Variants in ACSF3 observed in about 807,000 individuals in gnomAD.
ACSF3 encodes the protein acyl-CoA synthetase family member 3.
ACSF3 carries 78 observed loss-of-function variants against 53.2 expected under a neutral mutation model. That is an observed-to-expected ratio of 1.47 (90% CI 1.22 to 1.77). The LOEUF is 1.77. ACSF3 is among the 40% of genes most tolerant of loss of function. The probability of loss-of-function intolerance (pLI) is 0.00; values close to 1 mark genes in which losing one functional copy is unlikely to be tolerated. For synonymous variants in ACSF3, 414 were observed against 333.1 expected (o/e 1.24, Z -2.65); for missense variants, 937 against 771.1 (o/e 1.22, Z -2.55).
intron 7 of ACSF3, among the ~76,000 whole-genome samples, chr16:89,123,848 C>G (rs897685988): frequency 6.6e-6 from 1 of 152,196 alleles, no homozygotes; most frequent in Non-Finnish European, 1.5e-5. Context: ...TCCTCCATCA[C>G]CTCGCTGAGG....
intron 8 of ACSF3, among the ~76,000 whole-genome samples, chr16:89,144,074 G>A (rs559529364): frequency 2.6e-5 from 4 of 152,288 alleles, no homozygotes; most frequent in South Asian, 2.1e-4. Context: ...TCACAGTCAC[G>A]CATACCGCGC....
intron 4 of ACSF3, among the ~76,000 whole-genome samples, chr16:89,107,985 A>G (rs1001134441): frequency 1.3e-5 from 2 of 152,232 alleles, no homozygotes; most frequent in Admixed American, 6.5e-5. Context: ...AGGCCTCAGA[A>G]TCATGGTGGG....
intron 4 of ACSF3, among the ~76,000 whole-genome samples, chr16:89,108,042 A>G (rs1452440828): frequency 6.6e-6 from 1 of 152,230 alleles, no homozygotes; most frequent in African/African-American, 2.4e-5. Context: ...AAAATGAGGA[A>G]GAAGCAAAAG....
intron 6 of ACSF3, among the ~76,000 whole-genome samples, chr16:89,119,084 C>T (rs1172037629): frequency 6.6e-6 from 1 of 151,548 alleles, no homozygotes; most frequent in African/African-American, 2.4e-5. Flanking sequence ...AGTGTGGGGG[C>T]CCCTCCCTGA....
At chr16:89,104,949 A>C (rs1257730626) in intron 4 of ACSF3, among the ~76,000 whole-genome samples, 1 of 152,188 alleles carries the variant, frequency 6.6e-6, no homozygotes, top group Non-Finnish European at 1.5e-5. Flanking sequence ...TACCGTGCCA[A>C]AGAGAGGTGG....
chr16:89,099,353 C>T (rs945374497), intron 2 of ACSF3, among the ~76,000 whole-genome samples: 4 of 152,244 alleles, frequency 2.6e-5, no homozygotes, highest in Non-Finnish European at 4.4e-5. Context: ...ACGGCGGGCC[C>T]GCGCGACCCC....
intron 6 of ACSF3, 58 bp downstream of exon 6, chr16:89,114,545 T>TG: frequency 6.2e-7 from 1 of 1,600,840 alleles, no homozygotes; most frequent in Non-Finnish European, 8.5e-7. Context: ...CCCCCCAAGG[T>TG]GGGCCAGTCT....
Position 89,155,824 on chromosome 16 carries a change from A to G in ACSF3, c.*1617A>G. 4.4e-6 allele frequency: 2 copies of G among 453,130 alleles called. No individual in the cohort carries two copies. Among genetic ancestry groups the G allele is most frequent in the South Asian group, 3.1e-5 (2 of 64,360 alleles). The allele number at this position is 453,130 out of a possible 1,614,324, so 28.1% of individuals were successfully genotyped here. A position where few individuals can be genotyped will look rare whatever the true frequency, so the allele number is the denominator to read the frequency against. ...CTTTTGATTCCTAAAAAGCTTACAT[A>G]ATCATTTGCTTTATCCGATAGTATA... On this transcript the variant is annotated 3_prime_UTR_variant, in exon 11 of 11. Transcript: ENST00000614302.
At chr16:89,109,480 C>T (rs913795935) in intron 4 of ACSF3, among the ~76,000 whole-genome samples, 4 of 130,538 alleles carry the variant, frequency 3.1e-5, no homozygotes, top group South Asian at 2.7e-4. Flanking sequence ...GGCTCAGTCT[C>T]GGCTCACTGC....
At chr16:89,107,166 G>C (rs1442986691) in intron 4 of ACSF3, among the ~76,000 whole-genome samples, 1 of 152,210 alleles carries the variant, frequency 6.6e-6, no homozygotes, top group Non-Finnish European at 1.5e-5. Context: ...GGGGCCTCCA[G>C]GTCTTTCACG....
intron 4 of ACSF3, 44 bp downstream of exon 4, chr16:89,102,803 G>T (rs781156864): frequency 6.6e-7 from 1 of 1,522,688 alleles, no homozygotes; most frequent in Non-Finnish European, 8.8e-7. Context: ...CAGACTAGGC[G>T]CCTTTCCCCT....
intron 2 of ACSF3, among the ~76,000 whole-genome samples, chr16:89,099,096 A>T (rs976074596): frequency 6.6e-6 from 1 of 152,250 alleles, no homozygotes; most frequent in African/African-American, 2.4e-5. Flanking sequence ...AGCTTTGATT[A>T]TAAAGGGCCA....
chr16:89,120,837 G>C lies in ACSF3; in HGVS notation c.1163G>C (p.Arg388Pro). 6.2e-7 allele frequency: 1 copy of C among 1,614,086 alleles called. No homozygotes were observed. The highest frequency in any genetic ancestry group is 8.5e-7 in the Non-Finnish European group (1 of 1,179,984). The change falls in exon 7 of 11, where the codon CGC becomes CCC. Residue 388 changes from arginine to proline, a missense_variant. Transcript: ENST00000614302. ...ACCCCACTGCCTGGAGTACAGGTGC[G>C]CATTGTCTCAGAAAACCCACAGAGG... Reference protein sequence around the residue: ...VGTPLPGVQVRIVSENPQREA... With the variant: ...VGTPLPGVQVPIVSENPQREA...
At position 89,114,693 on chromosome 16, in the gene ACSF3, G is replaced by A. The variant is rs575094702; in HGVS notation, c.1126+206G>A. ...ATCAGCCTTCTCCCAAGTCTCAGTC[G>A]GGTGGATGGGGGAGGTGTCTGTGCT... On this transcript the variant is annotated intron_variant, in intron 6 of 10. Coordinates refer to ENST00000614302, the MANE Select transcript of ACSF3 (RefSeq NM_001243279.3). 1.5e-4 allele frequency: 106 copies of A among 710,706 alleles called. No individual in the cohort carries two copies. In the South Asian group the frequency reaches 1.5e-3, roughly 10 times the overall value. 44.0% of individuals were successfully genotyped at this position (710,706 alleles called of 1,614,324 possible). A position where few individuals can be genotyped will look rare whatever the true frequency, so the allele number is the denominator to read the frequency against.
At chr16:89,142,072 C>T (rs1293869095) in intron 8 of ACSF3, among the ~76,000 whole-genome samples, 2 of 152,088 alleles carry the variant, frequency 1.3e-5, no homozygotes, top group South Asian at 2.1e-4. Flanking sequence ...CCATGTTGCG[C>T]GCCGACCCCT....
intron 6 of ACSF3, chr16:89,115,247 G>A (rs1904906214): frequency 6.5e-6 from 1 of 154,692 alleles, no homozygotes; most frequent in African/African-American, 2.4e-5. Context: ...GTGCAGCTCT[G>A]TGTGTCTTAA....
At chr16:89,111,580 G>A (rs117435455) in intron 4 of ACSF3, among the ~76,000 whole-genome samples, 4,322 of 152,384 alleles carry the variant, frequency 0.028, 81 homozygotes, top group Non-Finnish European at 0.046. Context: ...TATGGGCGAC[G>A]CGAGAACCCG....
chr16:89,140,327 T>C (rs1244031350), intron 8 of ACSF3, among the ~76,000 whole-genome samples: 1 of 152,190 alleles, frequency 6.6e-6, no homozygotes, highest in East Asian at 1.9e-4. Flanking sequence ...CAGCTGCCTC[T>C]GTACACACAC....
chr16:89,112,209 C>G lies in ACSF3; in HGVS notation c.940C>G (p.Gln314Glu), dbSNP rs1976773862. 1 of 1,614,196 alleles carries G rather than the reference C, an allele frequency of 6.2e-7. No individual in the cohort carries two copies. The highest frequency in any genetic ancestry group is 2.2e-5 in the East Asian group (1 of 44,886). Residue 314 changes from glutamine (Q) to glutamate (E), a missense_variant, in exon 5 of 11, where the codon CAG (glutamine) becomes GAG (glutamate). By Grantham distance (29) the Gln-to-Glu change is conservative. Transcript: ENST00000614302. ...CAGGCATTTTACCCAGCCGCACGCCCAGGATTTCTTGCGTGCAGTTTGTGA... is the reference window on the plus strand; with the variant it reads ...CAGGCATTTTACCCAGCCGCACGCCGAGGATTTCTTGCGTGCAGTTTGTGA... ...YDRHFTQPHA[Q>E]DFLRAVCEEK...
Sources: allele counts gnomAD v4.1 joint callset (sites outside exome capture counted in the v4.1 genomes callset), GRCh38; gene constraint gnomAD v4.1.1; transcripts MANE v1.5; gene names NCBI Gene and HGNC (gene_info 2026-07-23, HGNC 2026-07-21).